Variants in ANKS1A observed in about 807,000 individuals in gnomAD.
ANKS1A encodes ankyrin repeat and SAM domain-containing protein 1A.
A neutral mutation model predicts 120.3 loss-of-function variants in ANKS1A; 55 were observed. The ratio of observed to expected loss-of-function variants is 0.46; its 90% CI spans 0.37 to 0.57. ANKS1A has a LOEUF of 0.57. ANKS1A is among the 20% of genes least tolerant of loss of function. The pLI, the probability that ANKS1A is intolerant of heterozygous loss-of-function variation, is 0.00. For synonymous variants in ANKS1A, 590 were observed against 604.7 expected (o/e 0.98, Z 0.36); for missense variants, 1,123 against 1,480.3 (o/e 0.76, Z 3.96).
At chr6:34,977,483 A>AAGC (rs1771663948) in intron 3 of ANKS1A, among the ~76,000 whole-genome samples, 1 of 151,964 alleles carries the variant, frequency 6.6e-6, no homozygotes, top group Admixed American at 6.5e-5. Flanking sequence ...ATAGAGCAGG[A>AAGC]ATCTTTCTGT....
chr6:34,982,797 A>G lies in ANKS1A; in HGVS notation c.778A>G (p.Thr260Ala). Residue 260 changes from threonine (T) to alanine (A), a missense_variant, in exon 5 of 24, where the codon ACC (threonine) becomes GCC (alanine). Physicochemically the swap from Thr to Ala is moderately conservative, Grantham distance 58. Coordinates refer to ENST00000360359, the MANE Select transcript of ANKS1A (RefSeq NM_015245.3). This position sits in a 1 kb window ranked among gnomAD's most constrained non-coding sequence, Gnocchi z 4.9. ...ALHEAALFGKTDVVQILLAAG... is the reference protein window; with the variant it reads ...ALHEAALFGKADVVQILLAAG... ...GCATGAGGCTGCTTTGTTTGGCAAGACCGATGTGGTGCAAATCCTGCTGGC... is the reference window on the plus strand; with the variant it reads ...GCATGAGGCTGCTTTGTTTGGCAAGGCCGATGTGGTGCAAATCCTGCTGGC... 1 of 1,614,180 alleles carries G rather than the reference A, an allele frequency of 6.2e-7. No homozygotes were observed. Among genetic ancestry groups the G allele is most frequent in the Non-Finnish European group, 8.5e-7 (1 of 1,180,040 alleles).
rs1246678739 is a variant in ANKS1A at position 34,948,896 on chromosome 6, GA to G, written c.198-18341del. Among the ~76,000 whole-genome samples the G allele has an allele frequency of 3.9e-5, 6 of 152,308 alleles. No individual in the cohort carries two copies. In the East Asian group the frequency reaches 9.7e-4, roughly 25 times the overall value. The stretch of plus-strand genomic sequence containing the variant: ...GAGCTGAGGACAAGTGTCATCCGAG[GA>G]AGTCAAGAGGATTCATCCCGGGCAT... On this transcript the variant is annotated intron_variant, in intron 1 of 23. Transcript: ENST00000360359.
At chr6:35,007,510 C>T (rs1433459409) in intron 10 of ANKS1A, among the ~76,000 whole-genome samples, 2 of 152,216 alleles carry the variant, frequency 1.3e-5, no homozygotes, top group Admixed American at 6.5e-5. Context: ...ATTTATTTCT[C>T]TTTCATGTTT....
At chr6:35,096,904 G>GA in the ANKS1A span, among the ~76,000 whole-genome samples, 64,506 of 148,790 alleles carry the variant, frequency 0.43, 15,077 homozygotes, top group Middle Eastern at 0.58. Context: ...CTCTAAAAAA[G>GA]AAAAAAAAAA....
At chr6:35,048,950 G>T (rs1775846619) in intron 11 of ANKS1A, among the ~76,000 whole-genome samples, 1 of 152,232 alleles carries the variant, frequency 6.6e-6, no homozygotes, top group African/African-American at 2.4e-5. Context: ...CCCCCGTGCA[G>T]CAGGAAGCAG....
intron 10 of ANKS1A, among the ~76,000 whole-genome samples, chr6:34,999,854 AAGAGACAG>A (rs1773064661): frequency 6.6e-6 from 1 of 152,096 alleles, no homozygotes; most frequent in Non-Finnish European, 1.5e-5. Context: ...AAAAGACAGG[AAGAGACAG>A]AGAGACAAAG....
At chr6:34,914,029 C>T (rs1013824414) in intron 1 of ANKS1A, among the ~76,000 whole-genome samples, 14 of 152,056 alleles carry the variant, frequency 9.2e-5, no homozygotes, top group African/African-American at 3.4e-4. Flanking sequence ...GTCATTCTCC[C>T]GCCTCAGCCT....
rs1770233159 is a variant in ANKS1A, at chr6:34,954,255, C to T, written c.198-12984C>T. On this transcript the variant is annotated intron_variant, in intron 1 of 23. Transcript: ENST00000360359. Reference sequence around the variant, plus strand: ...TGAGAGGGAGCCGGTGTCTCACTTGCCCAGTATAGCAATAACTTAAAATAA... The same window carrying T: ...TGAGAGGGAGCCGGTGTCTCACTTGTCCAGTATAGCAATAACTTAAAATAA... Among the ~76,000 whole-genome samples the T allele has an allele frequency of 1.3e-5, 2 of 152,088 alleles. 1 individual carries two copies. The highest frequency in any genetic ancestry group is 2.9e-5 in the Non-Finnish European group (2 of 68,020).
chr6:34,967,378 G>A, intron 2 of ANKS1A, 59 bp downstream of exon 2: 2 of 1,555,468 alleles, frequency 1.3e-6, no homozygotes, highest in Admixed American at 1.8e-5. Flanking sequence ...CCTTCACGTT[G>A]CCTTTTCATT....
intron 3 of ANKS1A, among the ~76,000 whole-genome samples, chr6:34,979,137 C>T (rs529990426): frequency 2.3e-4 from 35 of 152,116 alleles, no homozygotes; most frequent in South Asian, 6.2e-4. Context: ...CCTCGTGATC[C>T]GCCTGCCTCA....
At chr6:34,893,627 C>G (rs1766926378) in intron 1 of ANKS1A, among the ~76,000 whole-genome samples, 1 of 152,180 alleles carries the variant, frequency 6.6e-6, no homozygotes, top group South Asian at 2.1e-4. Flanking sequence ...TGTACGTGGT[C>G]TGTCAGAATT....
chr6:34,909,969 G>A (rs1767830240), intron 1 of ANKS1A, among the ~76,000 whole-genome samples: 1 of 152,194 alleles, frequency 6.6e-6, no homozygotes, highest in South Asian at 2.1e-4. Flanking sequence ...GGGGTTCTGT[G>A]GAGTAGAAAG....
rs948037677 is a variant in ANKS1A, at chr6:34,976,780, G to C, written c.436-4910G>C. Among the ~76,000 whole-genome samples, 6 of 21,662 alleles carry C rather than the reference G, an allele frequency of 2.8e-4. No individual in the cohort carries two copies. The East Asian group carries it at 3.3e-3, about 12-fold the overall frequency. 14.2% of individuals were successfully genotyped at this position (21,662 alleles called of 152,430 possible). On this transcript the variant is annotated intron_variant, in intron 3 of 23. Transcript: ENST00000360359. The stretch of plus-strand genomic sequence containing the variant: ...TTTTTCTCTTTCTGTGTGTGTGCGT[G>C]TGTGTGTGTGTGTGTGTGTATGCAA...
chr6:34,982,120 C>T lies in ANKS1A; in HGVS notation c.732+134C>T, dbSNP rs1266245292. On this transcript the variant is annotated intron_variant, in intron 4 of 23. Transcript: ENST00000360359. This position sits in a 1 kb window ranked among gnomAD's most constrained non-coding sequence, Gnocchi z 4.9. ...CATGTTTCAAATGCTTATTTGCCGA[C>T]TCATTCTAATGTGACACTAAGAAAC... is the stretch of plus-strand genomic sequence containing the variant. 3.5e-6 allele frequency: 4 copies of T among 1,141,594 alleles called. No individual in the cohort carries two copies. The Admixed American group carries it at 8.2e-5, about 23-fold the overall frequency. The allele number at this position is 1,141,594 out of a possible 1,614,324, so 70.7% of individuals were successfully genotyped here. A position where few individuals can be genotyped will look rare whatever the true frequency, so the allele number is the denominator to read the frequency against.
At chr6:34,999,734 A>G (rs1320808489) in intron 10 of ANKS1A, among the ~76,000 whole-genome samples, 1 of 152,164 alleles carries the variant, frequency 6.6e-6, no homozygotes, top group African/African-American at 2.4e-5. Context: ...GTTTCCCTAC[A>G]TAGACAGTTA....
Position 35,078,598 on chromosome 6 carries a change from G to T in ANKS1A, c.2225G>T (p.Gly742Val). The T allele has an allele frequency of 6.2e-7, 1 of 1,608,646 alleles. No individual in the cohort carries two copies. The change falls in exon 14 of 24, where the codon GGC becomes GTC. Residue 742 changes from glycine (G) to valine (V), a missense_variant. Physicochemically the swap from Gly to Val is moderately radical, Grantham distance 109 (BLOSUM62 -3). This residue lies in a region of ANKS1A where 904 missense variants were observed against 1,130.4 expected (regional missense o/e 0.80). Coordinates refer to ENST00000360359, the MANE Select transcript of ANKS1A (RefSeq NM_015245.3). ...VMEEQDLRDI[G>V]ISDPQHRRKL... ...GAAGAGCAGGACCTGCGGGACATCG[G>T]CATCAGCGACCCACAGCACCGGCGG...
At chr6:34,944,926 G>A (rs903343343) in intron 1 of ANKS1A, among the ~76,000 whole-genome samples, 1 of 152,052 alleles carries the variant, frequency 6.6e-6, no homozygotes, top group African/African-American at 2.4e-5. Context: ...ATTTTAGTAA[G>A]TCCAGCTTAT....
chr6:34,961,501 G>A (rs1222229992), intron 1 of ANKS1A, among the ~76,000 whole-genome samples: 1 of 152,252 alleles, frequency 6.6e-6, no homozygotes, highest in Non-Finnish European at 1.5e-5. Flanking sequence ...GCTTTTTGCA[G>A]TGAAGTCACT....
chr6:35,023,228 C>T (rs911073688), intron 11 of ANKS1A, among the ~76,000 whole-genome samples: 4 of 152,154 alleles, frequency 2.6e-5, no homozygotes, highest in Admixed American at 1.3e-4. Flanking sequence ...CCTCCCTGCA[C>T]CTTACCCAAA....
Sources: allele counts gnomAD v4.1 joint callset (sites outside exome capture counted in the v4.1 genomes callset), GRCh38; gene constraint gnomAD v4.1.1; regional missense constraint gnomAD v4.1.1; non-coding constraint Gnocchi (gnomAD v3.1); transcripts MANE v1.5; gene names NCBI Gene and HGNC (gene_info 2026-07-23, HGNC 2026-07-21).